The following TMEM50B variants were observed in gnomAD, a reference collection of about 807,000 sequenced individuals.
TMEM50B encodes the protein HCV p7-trans-regulated protein 3.
Under a neutral mutation model 23.4 loss-of-function variants are expected in TMEM50B, and 14 were observed. That is an observed-to-expected ratio of 0.60 (90% CI 0.39 to 0.93). The LOEUF (loss-of-function observed/expected upper bound fraction) is 0.93. Ranked by LOEUF, TMEM50B falls within the 40% of genes least tolerant of loss-of-function variation. The probability of loss-of-function intolerance (pLI) is 0.00; values close to 1 mark genes in which losing one functional copy is unlikely to be tolerated. For synonymous variants in TMEM50B, 64 were observed against 62.3 expected (o/e 1.03, Z -0.13); for missense variants, 159 against 193.0 (o/e 0.82, Z 1.04).
intron 1 of TMEM50B, among the ~76,000 whole-genome samples, chr21:33,470,055 T>C (rs569430593): frequency 2.7e-4 from 41 of 152,072 alleles, no homozygotes; most frequent in African/African-American, 8.9e-4. Flanking sequence ...AACAAAGATA[T>C]TATGTAAACA....
In TMEM50B at chr21:33,465,381, T is replaced by C. The variant is rs745715134; in HGVS notation, c.241A>G (p.Arg81Gly). 10 of 1,613,126 alleles carry C rather than the reference T, an allele frequency of 6.2e-6. No individual in the cohort carries two copies. Among genetic ancestry groups the C allele is most frequent in the Middle Eastern group, 1.8e-4 (1 of 5,696 alleles). ...MINAVSNAQV[R>G]GDSYESGCLG... ...CAGCCGCTTTCATAGCTATCACCTC[T>C]CACCTGAGCATTGGATACAGCATTT... The change falls in exon 4 of 7, where the codon AGA (arginine) becomes GGA (glycine). Residue 81 changes from arginine (R) to glycine (G), a missense_variant. Transcript: ENST00000542230.
chr21:33,449,167 C>T lies in TMEM50B; in HGVS notation c.*1651G>A, dbSNP rs1420050142. 2 of 152,078 alleles carry T rather than the reference C, an allele frequency of 1.3e-5. No homozygotes were observed. Among genetic ancestry groups the T allele is most frequent in the Non-Finnish European group, 2.9e-5 (2 of 68,024 alleles). The allele number at this position is 152,078 out of a possible 1,614,324, so 9.4% of individuals were successfully genotyped here. On this transcript the variant is annotated 3_prime_UTR_variant, in exon 7 of 7. Transcript: ENST00000542230. ...GTATGAGAAGTAATATTTATTGCAA[C>T]AGGTTATGAGGTGGAAACAAATAAT...
intron 4 of TMEM50B, among the ~76,000 whole-genome samples, chr21:33,463,784 A>T (rs13046185): frequency 6.6e-6 from 1 of 151,932 alleles, no homozygotes; most frequent in African/African-American, 2.4e-5. Flanking sequence ...TGGGCACAGC[A>T]GCATGTGCCT....
chr21:33,478,631 G>T (rs952856974), intron 1 of TMEM50B, among the ~76,000 whole-genome samples: 1 of 152,108 alleles, frequency 6.6e-6, no homozygotes, highest in Non-Finnish European at 1.5e-5. Flanking sequence ...CTGTGTCTCC[G>T]GAAGAAGAAA....
At chr21:33,437,051 G>A in intron 8 of TMEM50B, 5 of 1,421,186 alleles carry the variant, frequency 3.5e-6, no homozygotes, top group Non-Finnish European at 4.9e-6. Flanking sequence ...CCAGAGACCA[G>A]TATTCCCTTT....
chr21:33,438,748 G>A (rs894452979), intron 8 of TMEM50B, among the ~76,000 whole-genome samples: 5 of 138,752 alleles, frequency 3.6e-5, no homozygotes, highest in African/African-American at 1.4e-4. Context: ...TTTTTCTTTT[G>A]AGACAGAGTC....
chr21:33,450,709 C>A lies in TMEM50B; in HGVS notation c.*109G>T. The stretch of plus-strand genomic sequence containing the variant: ...CTCAGAACATAAAAATGTAAAGAAA[C>A]AAAACATTTAATGTACAATCTACTC... On this transcript the variant is annotated 3_prime_UTR_variant, in exon 7 of 7. Transcript: ENST00000542230. 6.2e-6 allele frequency: 5 copies of A among 810,646 alleles called. No individual in the cohort carries two copies. The highest frequency in any genetic ancestry group is 2.2e-5 in the South Asian group (1 of 46,506). 50.2% of individuals were successfully genotyped at this position (810,646 alleles called of 1,614,324 possible).
At chr21:33,451,190 T>C (rs1187321328) in intron 6 of TMEM50B, among the ~76,000 whole-genome samples, 1 of 152,216 alleles carries the variant, frequency 6.6e-6, no homozygotes, top group Non-Finnish European at 1.5e-5. Flanking sequence ...ACCATTCTCA[T>C]AGTGACAGGC....
chr21:33,463,529 A>C (rs1342216961), intron 4 of TMEM50B, among the ~76,000 whole-genome samples: 1 of 152,126 alleles, frequency 6.6e-6, no homozygotes, highest in Non-Finnish European at 1.5e-5. Flanking sequence ...GGGGCAATGG[A>C]AATGTTCTGT....
chr21:33,454,646 G>T (rs1488374728), intron 6 of TMEM50B, among the ~76,000 whole-genome samples: 2 of 151,954 alleles, frequency 1.3e-5, no homozygotes, highest in South Asian at 2.1e-4. Context: ...CTTCATAAAG[G>T]TACTTTACCT....
chr21:33,455,835 T>A (rs762790756), intron 5 of TMEM50B, 51 bp from the exon 6 acceptor site: 94 of 1,306,776 alleles, frequency 7.2e-5, no homozygotes, highest in Non-Finnish European at 9.8e-5. Context: ...CAAACGGCAG[T>A]AATAAAGTAT....
At chr21:33,478,147 A>C (rs1172949013) in intron 1 of TMEM50B, among the ~76,000 whole-genome samples, 1 of 151,642 alleles carries the variant, frequency 6.6e-6, no homozygotes, top group Non-Finnish European at 1.5e-5. Flanking sequence ...AAAATAAATA[A>C]ATAAATAAAT....
At chr21:33,469,049 G>T (rs1263021169) in intron 1 of TMEM50B, 123 bp from the exon 2 acceptor site, 2 of 612,950 alleles carry the variant, frequency 3.3e-6, no homozygotes, top group Non-Finnish European at 5.7e-6. Flanking sequence ...CTATAGTTAA[G>T]AAAAATTCAA....
In TMEM50B at chr21:33,466,813, T is replaced by C. The variant is rs541780544; in HGVS notation, c.212+197A>G. Among the ~76,000 whole-genome samples the C allele has an allele frequency of 2.0e-5, 3 of 151,608 alleles. No homozygotes were observed. In the East Asian group the frequency reaches 5.8e-4, roughly 29 times the overall value. On this transcript the variant is annotated intron_variant, in intron 3 of 6. Transcript: ENST00000542230. ...AAAATCACAAGATAATTGTTATAGG[T>C]GCTAAAAAGATATATGACCAAATCC...
At chr21:33,448,544 G>A (rs532830533), downstream of TMEM50B, among the ~76,000 whole-genome samples, 513 of 151,722 alleles carry the variant, frequency 3.4e-3, 2 homozygotes, top group African/African-American at 0.012. Context: ...GCAGTGGCAC[G>A]ATTTTGGCTC....
intron 7 of TMEM50B, among the ~76,000 whole-genome samples, chr21:33,443,410 G>T (rs1284040251): frequency 2.6e-5 from 3 of 114,852 alleles, no homozygotes. Context: ...ATTCCTGTAG[G>T]CTGTGCACCG....
rs768605434 is a variant in TMEM50B at position 33,432,670 on chromosome 21, T to G, written c.*2253A>C. The G allele has an allele frequency of 6.9e-6, 11 of 1,603,508 alleles. No homozygotes were observed. In the South Asian group the frequency reaches 1.2e-4, roughly 18 times the overall value. On this transcript the variant is annotated 3_prime_UTR_variant and NMD_transcript_variant, in exon 9 of 9. Transcript: ENST00000420455. ...GGAACATTAACTGATGTTTGTGTTGTGCGTAGGAAGATCATTCTGTTCACT... is the reference window on the plus strand; with the variant it reads ...GGAACATTAACTGATGTTTGTGTTGGGCGTAGGAAGATCATTCTGTTCACT...
intron 1 of TMEM50B, among the ~76,000 whole-genome samples, chr21:33,478,397 G>A (rs1339152832): frequency 6.6e-6 from 1 of 152,042 alleles, no homozygotes; most frequent in African/African-American, 2.4e-5. Context: ...AACCCTAGAG[G>A]TGCAGGCTGC....
At chr21:33,437,946 G>GCA (rs1267990267) in intron 8 of TMEM50B, among the ~76,000 whole-genome samples, 1 of 148,910 alleles carries the variant, frequency 6.7e-6, no homozygotes, top group Non-Finnish European at 1.5e-5. Flanking sequence ...TGATGCCACT[G>GCA]CACTCCAGCG....
Sources: allele counts gnomAD v4.1 joint callset (sites outside exome capture counted in the v4.1 genomes callset), GRCh38; gene constraint gnomAD v4.1.1; transcripts MANE v1.5; gene names NCBI Gene and HGNC (gene_info 2026-07-23, HGNC 2026-07-21).